The following CALCOCO2 variants were observed in gnomAD, a reference collection of about 807,000 sequenced individuals.
The protein encoded by CALCOCO2 is calcium-binding and coiled-coil domain-containing protein 2.
CALCOCO2 carries 42 observed loss-of-function variants against 62.5 expected under a neutral mutation model. The observed-to-expected ratio is 0.67, with a 90% CI of 0.53 to 0.87. CALCOCO2 has a LOEUF of 0.87. Among genes scored for constraint, CALCOCO2 ranks in the 40% least tolerant of loss-of-function variants. The pLI is 0.00. For missense variants in CALCOCO2, 456 were observed against 515.0 expected, an observed-to-expected ratio of 0.89 and a Z score of 1.11; for synonymous variants, 167 against 173.0, an observed-to-expected ratio of 0.97 and a Z score of 0.27.
intron 10 of CALCOCO2, among the ~76,000 whole-genome samples, chr17:48,857,570 G>C (rs917911642): frequency 1.4e-5 from 2 of 141,354 alleles, no homozygotes; most frequent in Middle Eastern, 4.2e-3. Flanking sequence ...TGGCATGATC[G>C]TGACTCACTA....
intron 10 of CALCOCO2, among the ~76,000 whole-genome samples, chr17:48,858,970 G>A (rs1167253119): frequency 6.4e-5 from 9 of 140,906 alleles, no homozygotes; most frequent in South Asian, 4.6e-4. Context: ...GCTTGAACCC[G>A]GGAAGTGGAA....
chr17:48,846,371 C>A (rs773464618), intron 2 of CALCOCO2: 7 of 666,728 alleles, frequency 1.0e-5, no homozygotes, highest in Admixed American at 7.9e-5. Flanking sequence ...AATGATGGAG[C>A]CTAAAGCAGG....
In CALCOCO2 at chr17:48,848,661, ACTT is replaced by A. The variant is rs2143621653; in HGVS notation, c.417+210_417+212del. 4.9e-6 allele frequency: 3 copies of A among 611,374 alleles called. No homozygotes were observed. In the South Asian group the frequency reaches 5.7e-5, roughly 12 times the overall value. The allele number at this position is 611,374 out of a possible 1,614,324, so 37.9% of individuals were successfully genotyped here. On this transcript the variant is annotated intron_variant, in intron 4 of 12. Coordinates refer to ENST00000258947, the MANE Select transcript of CALCOCO2 (RefSeq NM_005831.5). ...AATAAGTGGTTTCTTCTTTTCTAAA[ACTT>A]CTTTAACTCAGCTGGCATTCAGTTA...
In CALCOCO2 at chr17:48,852,630, T is replaced by C; in HGVS notation, c.825+2T>C. On this transcript the variant is annotated splice_donor_variant, in intron 8 of 12. Transcript: ENST00000258947. LOFTEE classifies it high-confidence loss of function. ...CTCTTTCTCAGTTTAACTGAACAGGTAGAGTCATGAGAGAAAACAACACTT... is the reference window on the plus strand; with the variant it reads ...CTCTTTCTCAGTTTAACTGAACAGGCAGAGTCATGAGAGAAAACAACACTT... 1 of 1,611,018 alleles carries C rather than the reference T, an allele frequency of 6.2e-7. No homozygotes were observed. Among genetic ancestry groups the C allele is most frequent in the Non-Finnish European group, 8.5e-7 (1 of 1,178,988 alleles).
intron 1 of CALCOCO2, among the ~76,000 whole-genome samples, chr17:48,833,894 C>T (rs945593971): frequency 2.6e-5 from 4 of 151,920 alleles, no homozygotes; most frequent in East Asian, 1.9e-4. Flanking sequence ...TTTGGGAGGC[C>T]GAGGCAGATG....
intron 1 of CALCOCO2, among the ~76,000 whole-genome samples, chr17:48,838,587 G>C (rs79816571): frequency 6.6e-6 from 1 of 152,038 alleles, no homozygotes. Flanking sequence ...GGTGGCAGGC[G>C]TCTGTAGTGC....
chr17:48,837,514 C>T (rs1278134102), intron 1 of CALCOCO2, among the ~76,000 whole-genome samples: 4 of 152,002 alleles, frequency 2.6e-5, no homozygotes, highest in African/African-American at 4.8e-5. Context: ...GGCATGGTGG[C>T]GTGCACCTGT....
chr17:48,849,325 T>A lies in CALCOCO2; in HGVS notation c.491T>A (p.Ile164Asn). Residue 164 changes from isoleucine to asparagine, a missense_variant, in exon 5 of 13, where the codon ATC becomes AAC. Coordinates refer to ENST00000258947, the MANE Select transcript of CALCOCO2 (RefSeq NM_005831.5). ...AACCAGGAGCTGAAGGACAGCTGTA[T>A]CAGCCTCCAGAAGCAGAACTCAGAC... is the stretch of plus-strand genomic sequence containing the variant. ...KENQELKDSC[I>N]SLQKQNSDMQ... is the part of the protein sequence containing the mutation. 1.9e-6 allele frequency: 3 copies of A among 1,613,716 alleles called. No individual in the cohort carries two copies. The highest frequency in any genetic ancestry group is 1.7e-6 in the Non-Finnish European group (2 of 1,179,684).
At chr17:48,846,075 C>T in intron 2 of CALCOCO2, 1 of 1,455,368 alleles carries the variant, frequency 6.9e-7, no homozygotes, top group Non-Finnish European at 9.3e-7. Flanking sequence ...TCACCCCAGA[C>T]ACTGGTAGTA....
chr17:48,860,593 G>A, intron 11 of CALCOCO2, 144 bp downstream of exon 11: 1 of 662,670 alleles, frequency 1.5e-6, no homozygotes, highest in Non-Finnish European at 2.6e-6. Context: ...TAGAAAGATT[G>A]CCAGGCGAGA....
Position 48,863,107 on chromosome 17 carries a change from T to G in CALCOCO2, c.*102T>G. On this transcript the variant is annotated 3_prime_UTR_variant, in exon 13 of 13. Coordinates refer to ENST00000258947, the MANE Select transcript of CALCOCO2 (RefSeq NM_005831.5). Reference sequence around the variant, plus strand: ...AAGATCCTGCCTAACCTGAAATTATTAGGGATTTACTCAGCCCTGCTGCCG... The same window carrying G: ...AAGATCCTGCCTAACCTGAAATTATGAGGGATTTACTCAGCCCTGCTGCCG... The G allele has an allele frequency of 1.1e-6, 1 of 906,942 alleles. No homozygotes were observed. The highest frequency in any genetic ancestry group is 1.8e-6 in the Non-Finnish European group (1 of 549,242). The allele number at this position is 906,942 out of a possible 1,614,324, so 56.2% of individuals were successfully genotyped here. A position where few individuals can be genotyped will look rare whatever the true frequency, so the allele number is the denominator to read the frequency against.
chr17:48,857,993 A>T (rs145607683), intron 10 of CALCOCO2, among the ~76,000 whole-genome samples: 12,852 of 40,912 alleles, frequency 0.31, 1,457 homozygotes, highest in South Asian at 0.46. Context: ...AGAATAGAAT[A>T]GAATAGAATA....
intron 2 of CALCOCO2, among the ~76,000 whole-genome samples, chr17:48,845,697 C>G (rs2143609599): frequency 6.9e-6 from 1 of 145,482 alleles, no homozygotes; most frequent in Non-Finnish European, 1.5e-5. Context: ...CCATTGCACT[C>G]CAGCCTGGGC....
chr17:48,862,711 T>C lies in CALCOCO2; in HGVS notation c.1174-127T>C, dbSNP rs937886675. 139 of 733,246 alleles carry C rather than the reference T, an allele frequency of 1.9e-4. No individual in the cohort carries two copies. In the African/African-American group the frequency reaches 2.1e-3, roughly 11 times the overall value. The allele number at this position is 733,246 out of a possible 1,614,324, so 45.4% of individuals were successfully genotyped here. ...GTGCATTCTCTTCATTCATTCACTA[T>C]TTCTTGAGTGCCTAACCATGTGCCA... is the stretch of plus-strand genomic sequence containing the variant. On this transcript the variant is annotated intron_variant, in intron 12 of 12. Transcript: ENST00000258947.
intron 5 of CALCOCO2, among the ~76,000 whole-genome samples, chr17:48,850,561 A>C (rs1163123229): frequency 6.6e-6 from 1 of 152,230 alleles, no homozygotes; most frequent in East Asian, 1.9e-4. Context: ...CTAAGATTTT[A>C]AAATTATATG....
intron 5 of CALCOCO2, among the ~76,000 whole-genome samples, chr17:48,849,764 A>G (rs993672566): frequency 2.6e-5 from 4 of 151,846 alleles, no homozygotes; most frequent in African/African-American, 9.7e-5. Context: ...TGAGCTTCCC[A>G]AAGTGCTGGG....
intron 12 of CALCOCO2, 63 bp from the exon 13 acceptor site, chr17:48,862,775 G>C (rs1013518580): frequency 1.3e-5 from 18 of 1,367,746 alleles, no homozygotes; most frequent in Non-Finnish European, 1.9e-5. Flanking sequence ...TGGAAGACAG[G>C]ATGGCCACAT....
chr17:48,852,273 G>A, intron 7 of CALCOCO2: 1 of 411,910 alleles, frequency 2.4e-6, no homozygotes, highest in Non-Finnish European at 4.4e-6. Flanking sequence ...ATCTTTTCAA[G>A]CAAAATCGTA....
Position 48,858,049 on chromosome 17 carries a change from T to G in CALCOCO2, c.1008+1862T>G, listed in dbSNP as rs1349660482. On this transcript the variant is annotated intron_variant, in intron 10 of 12. Transcript: ENST00000258947. ...GAATAGAATAGAATAGAATAGAAAA[T>G]AGAATAGAATAGAATAGAATAGAAT... Among the ~76,000 whole-genome samples, 55 of 113,740 alleles carry G rather than the reference T, an allele frequency of 4.8e-4. 8 individuals are homozygous for G. The highest frequency in any genetic ancestry group is 3.6e-3 in the Admixed American group (39 of 10,714). 74.6% of individuals were successfully genotyped at this position (113,740 alleles called of 152,430 possible).
Sources: allele counts gnomAD v4.1 joint callset (sites outside exome capture counted in the v4.1 genomes callset), GRCh38; gene constraint gnomAD v4.1.1; transcripts MANE v1.5; gene names NCBI Gene and HGNC (gene_info 2026-07-23, HGNC 2026-07-21).